KIAA0513: variants seen among roughly 807,000 people sequenced by gnomAD.
KIAA0513 encodes the protein KIAA0513.
In KIAA0513, 39 loss-of-function variants were observed where a neutral mutation model predicts 56.5. The observed-to-expected ratio is 0.69, with a 90% CI of 0.53 to 0.90. The LOEUF is 0.90. Ranked by LOEUF, KIAA0513 falls within the 40% of genes least tolerant of loss-of-function variation. The pLI is 0.00. For synonymous variants in KIAA0513, 268 were observed against 215.6 expected, an observed-to-expected ratio of 1.24 and a Z score of -2.13; for missense variants, 591 against 535.2, an observed-to-expected ratio of 1.10 and a Z score of -1.03.
At position 85,089,050 on chromosome 16, in the gene KIAA0513, G is replaced by T. The variant is rs937947845; in HGVS notation, c.*725G>T. The T allele has an allele frequency of 6.6e-6, 1 of 152,318 alleles. No individual in the cohort carries two copies. The highest frequency in any genetic ancestry group is 2.4e-5 in the African/African-American group (1 of 41,454). 9.4% of individuals were successfully genotyped at this position (152,318 alleles called of 1,614,324 possible). A position where few individuals can be genotyped will look rare whatever the true frequency, so the allele number is the denominator to read the frequency against. On this transcript the variant is annotated 3_prime_UTR_variant, in exon 13 of 13. Transcript: ENST00000683363. This position sits in a 1 kb window ranked among gnomAD's most constrained non-coding sequence, Gnocchi z 4.2. ...CCGCCAGAGTCACAGCAGTGCCGAG[G>T]TGTCCGCGGCAGACCACACAGACCG...
In KIAA0513 at chr16:85,076,303, G is replaced by C. The variant is rs1354823967; in HGVS notation, c.574+389G>C. ...CGACACAGTTGGTTGTTGGAGGGTG[G>C]TGGGGAGGAGCAGCGTAGGATCTGA... On this transcript the variant is annotated intron_variant, in intron 5 of 12. Transcript: ENST00000683363. The surrounding 1 kb of genome is among the most constrained non-coding windows in gnomAD (Gnocchi z 4.7). Among the ~76,000 whole-genome samples, 1 of 152,208 alleles carries C rather than the reference G, an allele frequency of 6.6e-6. No individual in the cohort carries two copies. Among genetic ancestry groups the C allele is most frequent in the African/African-American group, 2.4e-5 (1 of 41,444 alleles).
intron 1 of KIAA0513, among the ~76,000 whole-genome samples, chr16:85,057,556 C>T: frequency 6.6e-6 from 1 of 152,182 alleles, no homozygotes; most frequent in Admixed American, 6.5e-5. Flanking sequence ...TTGACAACAT[C>T]TCTTATGGGC....
chr16:85,068,791 T>G (rs1365573020), intron 2 of KIAA0513, among the ~76,000 whole-genome samples: 1 of 152,158 alleles, frequency 6.6e-6, no homozygotes, highest in South Asian at 2.1e-4. Context: ...AAACAAGGCT[T>G]TGGAGGGACT....
At chr16:85,046,388 G>T (rs573184531) in intron 1 of KIAA0513, among the ~76,000 whole-genome samples, 1 of 152,292 alleles carries the variant, frequency 6.6e-6, no homozygotes, top group East Asian at 1.9e-4. Flanking sequence ...CCGATATTGC[G>T]AACTCCCTAA....
chr16:85,083,553 C>A (rs1213497558), intron 10 of KIAA0513, among the ~76,000 whole-genome samples: 3 of 152,208 alleles, frequency 2.0e-5, no homozygotes, highest in Non-Finnish European at 4.4e-5. Flanking sequence ...AGCCCCACAG[C>A]CCTAGCCCAA....
At chr16:85,080,746 T>C (rs974125587) in intron 8 of KIAA0513, among the ~76,000 whole-genome samples, 1 of 152,202 alleles carries the variant, frequency 6.6e-6, no homozygotes, top group African/African-American at 2.4e-5. Context: ...TGAGCCGAGA[T>C]TGTGCCATTG....
At chr16:85,045,237 G>A (rs1219205347) in intron 1 of KIAA0513, among the ~76,000 whole-genome samples, 1 of 152,222 alleles carries the variant, frequency 6.6e-6, no homozygotes, top group Non-Finnish European at 1.5e-5. Context: ...GCAGGTGAAC[G>A]GGAGGCTGGG....
chr16:85,058,658 A>G (rs1482936783), intron 1 of KIAA0513, among the ~76,000 whole-genome samples: 1 of 151,746 alleles, frequency 6.6e-6, no homozygotes, highest in Non-Finnish European at 1.5e-5. Flanking sequence ...ATCTCACAAA[A>G]AAAAAAAAAA....
chr16:85,078,545 G>T (rs949409473), intron 7 of KIAA0513, 90 bp downstream of exon 7: 3 of 1,284,554 alleles, frequency 2.3e-6, no homozygotes, highest in South Asian at 1.2e-5. Flanking sequence ...GGGCTTTCCT[G>T]CCTCCACGGA....
chr16:85,056,227 A>G (rs185530593), intron 1 of KIAA0513, among the ~76,000 whole-genome samples: 9 of 152,364 alleles, frequency 5.9e-5, no homozygotes, highest in African/African-American at 2.2e-4. Flanking sequence ...CTAAACTGCC[A>G]TAGGAGCCAT....
chr16:85,086,886 A>G, intron 11 of KIAA0513, 162 bp downstream of exon 11: 1 of 836,740 alleles, frequency 1.2e-6, no homozygotes, highest in East Asian at 2.7e-5. Flanking sequence ...TCCGCCTCCT[A>G]CACGACCCCT....
At chr16:85,078,096 G>A (rs966952499) in intron 6 of KIAA0513, among the ~76,000 whole-genome samples, 9 of 152,256 alleles carry the variant, frequency 5.9e-5, no homozygotes, top group Non-Finnish European at 1.2e-4. Context: ...CAAGGAAGAG[G>A]GATGCGGCAG....
At position 85,091,077 on chromosome 16, in the gene KIAA0513, G is replaced by A. The variant is rs1384740292; in HGVS notation, c.*2752G>A. The A allele has an allele frequency of 6.6e-6, 1 of 152,260 alleles. No homozygotes were observed. Among genetic ancestry groups the A allele is most frequent in the Non-Finnish European group, 1.5e-5 (1 of 68,066 alleles). The allele number at this position is 152,260 out of a possible 1,614,324, so 9.4% of individuals were successfully genotyped here. On this transcript the variant is annotated 3_prime_UTR_variant, in exon 13 of 13. Transcript: ENST00000683363. ...CAGGAAGTGTCAGGTGATTTCCTAG[G>A]GAGAGGTTCCCAGTCCCAGCAGGCA...
In KIAA0513 at chr16:85,087,081, G is replaced by T; in HGVS notation, c.1101G>T (p.Thr367=). Residue 367 remains threonine, a synonymous_variant, in exon 12 of 13, where the codon ACG becomes ACT. Transcript: ENST00000683363. ...GGGGTTTCTCCTGCAGCACATTCAC[G>T]CACAACATGCTGGCCTTTGGACTGA... ...NITFGQLGTF[T]HNMLAFGLNK... 6.2e-7 allele frequency: 1 copy of T among 1,614,092 alleles called. No homozygotes were observed. The highest frequency in any genetic ancestry group is 1.1e-5 in the South Asian group (1 of 91,084).
chr16:85,078,965 G>T lies in KIAA0513; in HGVS notation c.864G>T (p.Lys288Asn), dbSNP rs761066666. Residue 288 changes from lysine to asparagine, a missense_variant, in exon 8 of 13, where the codon AAG becomes AAT. Physicochemically the swap from Lys to Asn is moderately conservative, Grantham distance 94. Coordinates refer to ENST00000683363, the MANE Select transcript of KIAA0513 (RefSeq NM_001388359.1). ...CCGAGGACGAAAAGAAGGGGGAGAA[G>T]ATCTACCTGTACACGCACCTGAAGC... ...YSPEDEKKGE[K>N]IYLYTHLKQQ... is the part of the protein sequence containing the mutation. 191 of 1,614,054 alleles carry T rather than the reference G, an allele frequency of 1.2e-4. 1 individual carries two copies. In the Admixed American group the frequency reaches 3.0e-3, roughly 25 times the overall value.
At chr16:85,059,208 C>A (rs968257202) in intron 1 of KIAA0513, among the ~76,000 whole-genome samples, 5 of 152,056 alleles carry the variant, frequency 3.3e-5, no homozygotes, top group Admixed American at 2.0e-4. Context: ...AACATGACCT[C>A]ATGGTAGAAG....
chr16:85,045,053 G>T (rs2073152968), intron 1 of KIAA0513, among the ~76,000 whole-genome samples: 1 of 152,122 alleles, frequency 6.6e-6, no homozygotes, highest in Non-Finnish European at 1.5e-5. Context: ...GGGAGGTGGA[G>T]CTTGTAGTGA....
intron 10 of KIAA0513, among the ~76,000 whole-genome samples, chr16:85,086,333 C>A (rs1324712702): frequency 6.6e-6 from 1 of 152,264 alleles, no homozygotes; most frequent in African/African-American, 2.4e-5. Context: ...GCCACCCTCG[C>A]TGCCTGTAGA....
intron 1 of KIAA0513, among the ~76,000 whole-genome samples, chr16:85,047,777 C>T (rs1385218156): frequency 3.3e-5 from 5 of 152,212 alleles, no homozygotes; most frequent in Admixed American, 1.3e-4. Context: ...CACTCTTGCT[C>T]GCCTCTGGAT....
Sources: gnomAD v4.1 joint callset for allele counts (sites outside exome capture counted in the v4.1 genomes callset) on GRCh38, gnomAD v4.1.1 for gene constraint, Gnocchi (gnomAD v3.1) non-coding constraint, MANE v1.5 for transcripts, NCBI Gene and HGNC (gene_info 2026-07-23, HGNC 2026-07-21) for gene names.